GPC5: variants seen among roughly 807,000 people sequenced by gnomAD.
The protein encoded by GPC5 is glypican 5, also known as glypican-5.
GPC5 carries 47 observed loss-of-function variants against 53.9 expected under a neutral mutation model. The ratio of observed to expected loss-of-function variants is 0.87; its 90% confidence interval spans 0.69 to 1.11. The LOEUF is 1.11. Among genes scored for constraint, GPC5 ranks in the 50% most tolerant of loss-of-function variants. The pLI, the probability that GPC5 is intolerant of heterozygous loss-of-function variation, is 0.00. For synonymous variants in GPC5, 286 were observed against 263.3 expected (o/e 1.09, Z -0.84); for missense variants, 748 against 713.1 (o/e 1.05, Z -0.56).
chr13:91,961,736 T>C lies in GPC5; in HGVS notation c.1401+53679T>C, dbSNP rs563009281. 3.3e-5 allele frequency among the ~76,000 whole-genome samples: 5 copies of C among 152,176 alleles called. No homozygotes were observed. In the South Asian group the frequency reaches 1.0e-3, roughly 32 times the overall value. On this transcript the variant is annotated intron_variant, in intron 6 of 7. Coordinates refer to ENST00000377067, the MANE Select transcript of GPC5 (RefSeq NM_004466.6). ...GTAAAGATAACTATTGTGTCATGCATCGTAGGTGGATCTCACTAGCGTAAT... is the reference window on the plus strand; with the variant it reads ...GTAAAGATAACTATTGTGTCATGCACCGTAGGTGGATCTCACTAGCGTAAT...
intron 7 of GPC5, among the ~76,000 whole-genome samples, chr13:92,255,950 G>A (rs903991489): frequency 1.3e-5 from 2 of 151,530 alleles, no homozygotes; most frequent in African/African-American, 4.8e-5. Context: ...ACCTTTTTTG[G>A]GTCACTTCAA....
chr13:91,946,561 A>G (rs1204284160), intron 6 of GPC5, among the ~76,000 whole-genome samples: 2 of 152,146 alleles, frequency 1.3e-5, no homozygotes, highest in African/African-American at 4.8e-5. Flanking sequence ...TTGGTAATCA[A>G]TTCTGTATTT....
At chr13:92,483,262 A>G (rs576165391) in intron 7 of GPC5, among the ~76,000 whole-genome samples, 1 of 152,298 alleles carries the variant, frequency 6.6e-6, no homozygotes, top group South Asian at 2.1e-4. Flanking sequence ...CATCATGAGC[A>G]TACTTACACC....
chr13:92,495,530 T>C (rs1879939912), intron 7 of GPC5, among the ~76,000 whole-genome samples: 1 of 152,140 alleles, frequency 6.6e-6, no homozygotes, highest in Admixed American at 6.5e-5. Flanking sequence ...TTTAATTTGA[T>C]TCCTCAGACT....
chr13:92,737,342 G>A (rs1433346819), intron 7 of GPC5, among the ~76,000 whole-genome samples: 1 of 152,054 alleles, frequency 6.6e-6, no homozygotes, highest in Non-Finnish European at 1.5e-5. Context: ...TCTCCATGGA[G>A]TGTTCCAATC....
intron 7 of GPC5, among the ~76,000 whole-genome samples, chr13:92,841,819 G>A (rs937493374): frequency 2.0e-5 from 3 of 152,000 alleles, no homozygotes; most frequent in Admixed American, 6.6e-5. Flanking sequence ...TGTGTAAAAC[G>A]TTGAGTCAAT....
chr13:91,824,367 G>C (rs891054325), intron 5 of GPC5, among the ~76,000 whole-genome samples: 1 of 151,990 alleles, frequency 6.6e-6, no homozygotes, highest in Admixed American at 6.6e-5. Context: ...AGGAAAGAAA[G>C]TCTAGGAAGC....
chr13:92,187,804 A>G (rs2042194635), intron 7 of GPC5, among the ~76,000 whole-genome samples: 1 of 152,234 alleles, frequency 6.6e-6, no homozygotes, highest in Non-Finnish European at 1.5e-5. Flanking sequence ...TTCATTTAGA[A>G]TCTATTAATT....
intron 1 of GPC5, among the ~76,000 whole-genome samples, chr13:91,419,193 A>G (rs985982954): frequency 1.3e-5 from 2 of 152,164 alleles, no homozygotes; most frequent in South Asian, 2.1e-4. Context: ...CCAGTTAGCT[A>G]TAGCTTTCTA....
chr13:92,395,768 G>A (rs1419284782), intron 7 of GPC5, among the ~76,000 whole-genome samples: 2 of 151,972 alleles, frequency 1.3e-5, no homozygotes, highest in Admixed American at 6.6e-5. Flanking sequence ...TTGCTTGCAT[G>A]GTTTTTAATG....
At chr13:91,464,607 A>G (rs1882123485) in intron 2 of GPC5, among the ~76,000 whole-genome samples, 1 of 152,176 alleles carries the variant, frequency 6.6e-6, no homozygotes, top group Non-Finnish European at 1.5e-5. Context: ...CTGATTAAAA[A>G]TATAACATTC....
At chr13:92,147,029 A>G (rs1340830001) in intron 7 of GPC5, among the ~76,000 whole-genome samples, 1 of 152,118 alleles carries the variant, frequency 6.6e-6, no homozygotes, top group African/African-American at 2.4e-5. Flanking sequence ...CGTGACGTGA[A>G]GCCAGGATGA....
chr13:92,752,854 C>G (rs966555353), intron 7 of GPC5, among the ~76,000 whole-genome samples: 5 of 152,110 alleles, frequency 3.3e-5, no homozygotes, highest in South Asian at 2.1e-4. Context: ...CAGGGAGTCT[C>G]GCTGATTGCT....
intron 2 of GPC5, among the ~76,000 whole-genome samples, chr13:91,563,359 T>C (rs2031372407): frequency 6.6e-6 from 1 of 152,128 alleles, no homozygotes; most frequent in African/African-American, 2.4e-5. Flanking sequence ...GATTTGCTGT[T>C]CCGTGTAGTA....
At position 91,526,724 on chromosome 13, in the gene GPC5, T is replaced by G. The variant is rs544102176; in HGVS notation, c.325+77802T>G. ...CCATTCTCACACTGTTATAAAGAAC[T>G]GCCTGAGACTGGGTAATTTATGAAG... On this transcript the variant is annotated intron_variant, in intron 2 of 7. Coordinates refer to ENST00000377067, the MANE Select transcript of GPC5 (RefSeq NM_004466.6). 2.6e-5 allele frequency among the ~76,000 whole-genome samples: 4 copies of G among 152,290 alleles called. No individual in the cohort carries two copies. In the South Asian group the frequency reaches 8.3e-4, roughly 32 times the overall value.
Position 92,762,750 on chromosome 13 carries a change from T to C in GPC5, c.1562-103532T>C, listed in dbSNP as rs560213075. On this transcript the variant is annotated intron_variant, in intron 7 of 7. Coordinates refer to ENST00000377067, the MANE Select transcript of GPC5 (RefSeq NM_004466.6). ...AGTATTTCATAAGTTTCATAGTTTG[T>C]CTTCACTCTTCTTCATTGTTTTCTT... is the stretch of plus-strand genomic sequence containing the variant. 1.4e-3 allele frequency among the ~76,000 whole-genome samples: 215 copies of C among 152,254 alleles called. 4 individuals are homozygous for C. Among genetic ancestry groups the C allele is most frequent in the African/African-American group, 5.1e-3 (210 of 41,582 alleles).
chr13:92,808,195 C>T (rs1014166828), intron 7 of GPC5, among the ~76,000 whole-genome samples: 6 of 151,788 alleles, frequency 4.0e-5, no homozygotes, highest in Non-Finnish European at 4.4e-5. Flanking sequence ...TATAAACATC[C>T]GAATTTTTTG....
At chr13:91,688,616 G>A (rs374847805) in intron 2 of GPC5, among the ~76,000 whole-genome samples, 5 of 152,176 alleles carry the variant, frequency 3.3e-5, no homozygotes, top group East Asian at 3.9e-4. Flanking sequence ...ATATTGACAC[G>A]GTTGTGTGCC....
intron 5 of GPC5, among the ~76,000 whole-genome samples, chr13:91,817,019 C>T (rs1336662540): frequency 3.9e-5 from 6 of 152,114 alleles, no homozygotes; most frequent in Non-Finnish European, 7.4e-5. Context: ...AATGTTTGTT[C>T]TGGAAGTCTA....
Sources: allele counts gnomAD v4.1 joint callset (sites outside exome capture counted in the v4.1 genomes callset), GRCh38; gene constraint gnomAD v4.1.1; transcripts MANE v1.5; gene names NCBI Gene and HGNC (gene_info 2026-07-23, HGNC 2026-07-21).